The following NKAIN2 variants were observed in gnomAD, a reference collection of about 807,000 sequenced individuals.
The protein encoded by NKAIN2 is sodium/potassium transporting ATPase interacting 2.
Under a neutral mutation model 32.6 loss-of-function variants are expected in NKAIN2, and 14 were observed. The observed-to-expected ratio is 0.43, with a 90% CI of 0.28 to 0.67. The LOEUF is 0.67. Ranked by LOEUF, NKAIN2 falls within the 30% of genes least tolerant of loss-of-function variation. NKAIN2 has a pLI of 0.17. For synonymous variants in NKAIN2, 80 were observed against 87.2 expected, an observed-to-expected ratio of 0.92 and a Z score of 0.46; for missense variants, 198 against 258.3, an observed-to-expected ratio of 0.77 and a Z score of 1.60.
intron 3 of NKAIN2, among the ~76,000 whole-genome samples, chr6:124,424,286 T>C (rs772531009): frequency 6.6e-6 from 1 of 152,184 alleles, no homozygotes; most frequent in Non-Finnish European, 1.5e-5. Context: ...AAAAATTGTC[T>C]AAAGGGGTAT....
chr6:124,193,228 G>A (rs965802125), intron 1 of NKAIN2, among the ~76,000 whole-genome samples: 2 of 152,206 alleles, frequency 1.3e-5, no homozygotes, highest in Admixed American at 6.5e-5. Context: ...GGCCCATTTG[G>A]CCCGGCAAAC....
intron 4 of NKAIN2, among the ~76,000 whole-genome samples, chr6:124,769,529 A>C (rs1778658502): frequency 6.6e-6 from 1 of 152,158 alleles, no homozygotes; most frequent in African/African-American, 2.4e-5. Context: ...GTAGAGTGGA[A>C]ATATCAACTA....
At chr6:124,201,446 G>A (rs1457191594) in intron 1 of NKAIN2, among the ~76,000 whole-genome samples, 1 of 151,984 alleles carries the variant, frequency 6.6e-6, no homozygotes, top group Non-Finnish European at 1.5e-5. Flanking sequence ...AGCGGGGAAA[G>A]TAGTTAAGGG....
At chr6:124,156,308 G>A (rs878874274) in intron 1 of NKAIN2, among the ~76,000 whole-genome samples, 13 of 152,042 alleles carry the variant, frequency 8.6e-5, no homozygotes, top group Admixed American at 7.9e-4. Context: ...AATTGGTTTC[G>A]ATGATTCACG....
At chr6:124,289,926 G>T (rs1480776484) in intron 2 of NKAIN2, among the ~76,000 whole-genome samples, 1 of 152,018 alleles carries the variant, frequency 6.6e-6, no homozygotes, top group Non-Finnish European at 1.5e-5. Context: ...TCTGTGTTGA[G>T]GACAGAAAAT....
intron 3 of NKAIN2, among the ~76,000 whole-genome samples, chr6:124,492,923 G>T (rs937209822): frequency 1.4e-4 from 21 of 151,880 alleles, no homozygotes; most frequent in Non-Finnish European, 3.1e-4. Context: ...TAGTCAAGAG[G>T]TATATTCTGG....
At chr6:124,784,837 A>T (rs1779428992) in intron 4 of NKAIN2, among the ~76,000 whole-genome samples, 1 of 152,106 alleles carries the variant, frequency 6.6e-6, no homozygotes, top group South Asian at 2.1e-4. Context: ...GGCTGTCCAT[A>T]AATGTTTCCC....
intron 1 of NKAIN2, among the ~76,000 whole-genome samples, chr6:124,111,506 A>G (rs958874113): frequency 6.6e-6 from 1 of 152,004 alleles, no homozygotes; most frequent in Non-Finnish European, 1.5e-5. Flanking sequence ...CATTTGTCTG[A>G]TGTACCCCTA....
intron 4 of NKAIN2, among the ~76,000 whole-genome samples, chr6:124,702,569 G>A (rs887712179): frequency 5.3e-4 from 80 of 152,108 alleles, no homozygotes; most frequent in African/African-American, 1.9e-3. Flanking sequence ...CCAAGAAAAC[G>A]TAGAGGAGGG....
At chr6:124,556,754 G>T (rs188297786) in intron 3 of NKAIN2, among the ~76,000 whole-genome samples, 1 of 152,270 alleles carries the variant, frequency 6.6e-6, no homozygotes, top group African/African-American at 2.4e-5. Flanking sequence ...TTTTACAGCT[G>T]ATAAAACTGA....
chr6:124,727,256 C>A (rs1182418638), intron 4 of NKAIN2, among the ~76,000 whole-genome samples: 1 of 151,816 alleles, frequency 6.6e-6, no homozygotes, highest in Non-Finnish European at 1.5e-5. Context: ...ACATAATTGT[C>A]AGATTCACCA....
intron 1 of NKAIN2, among the ~76,000 whole-genome samples, chr6:124,109,195 G>A (rs1284297680): frequency 1.3e-5 from 2 of 151,822 alleles, no homozygotes; most frequent in South Asian, 2.1e-4. Flanking sequence ...GACTTTTGAT[G>A]TCTATTTGCT....
intron 1 of NKAIN2, among the ~76,000 whole-genome samples, chr6:123,895,563 C>T (rs904056732): frequency 5.1e-4 from 77 of 152,204 alleles, no homozygotes; most frequent in African/African-American, 1.8e-3. Context: ...GTCTACTTAC[C>T]TAGGGACAGG....
chr6:124,673,719 T>C (rs987361671), intron 4 of NKAIN2, among the ~76,000 whole-genome samples: 9 of 152,038 alleles, frequency 5.9e-5, no homozygotes, highest in Admixed American at 5.2e-4. Flanking sequence ...TCTTTGCCCA[T>C]TTTTTAATTG....
At chr6:124,449,447 T>C (rs1776014938) in intron 3 of NKAIN2, among the ~76,000 whole-genome samples, 1 of 152,062 alleles carries the variant, frequency 6.6e-6, no homozygotes, top group South Asian at 2.1e-4. Flanking sequence ...TGGAGAACCA[T>C]GCAGTATTCC....
chr6:123,843,270 G>A (rs780004855), intron 1 of NKAIN2, among the ~76,000 whole-genome samples: 4 of 152,172 alleles, frequency 2.6e-5, no homozygotes, highest in Non-Finnish European at 5.9e-5. Flanking sequence ...TTGAAGGGTG[G>A]TGTATGCAGA....
At chr6:124,040,455 A>G (rs1460510848) in intron 1 of NKAIN2, among the ~76,000 whole-genome samples, 1 of 152,008 alleles carries the variant, frequency 6.6e-6, no homozygotes, top group Non-Finnish European at 1.5e-5. Context: ...GTCATAGCTT[A>G]TAGGTTTTTA....
In NKAIN2 at chr6:124,283,055, A is replaced by G. The variant is rs34368457; in HGVS notation, c.105A>G (p.Ala35=). The G allele has an allele frequency of 5.0e-3, 8,082 of 1,612,806 alleles. 256 individuals carry two copies. In the African/African-American group the frequency reaches 0.078, roughly 16 times the overall value. The change falls in exon 2 of 7, where the codon GCA becomes GCG. Residue 35 remains alanine, a synonymous_variant. Transcript: ENST00000368417. ...QIFDFLGYQW[A]PILANFVHII... is the part of the protein sequence containing the mutation. ...TTGACTTCCTTGGATATCAGTGGGC[A>G]CCTATCCTGGCAAATTTTGTACATA... is the stretch of plus-strand genomic sequence containing the variant.
chr6:124,453,359 A>ACG (rs1305366328), intron 3 of NKAIN2, among the ~76,000 whole-genome samples: 8 of 144,520 alleles, frequency 5.5e-5, no homozygotes, highest in East Asian at 2.1e-4. Flanking sequence ...ACACACACAC[A>ACG]CACACACACA....
Sources: allele counts gnomAD v4.1 joint callset (sites outside exome capture counted in the v4.1 genomes callset), GRCh38; gene constraint gnomAD v4.1.1; transcripts MANE v1.5; gene names NCBI Gene and HGNC (gene_info 2026-07-23, HGNC 2026-07-21).